Variants in TRIP12 observed in about 807,000 individuals in gnomAD.
TRIP12 encodes the protein thyroid hormone receptor interactor 12, also known as E3 ubiquitin-protein ligase TRIP12.
In TRIP12, 25 loss-of-function variants were observed where a neutral mutation model predicts 244.2. The ratio of observed to expected loss-of-function variants is 0.10; its 90% CI spans 0.07 to 0.14. The LOEUF is 0.14. Ranked by LOEUF, TRIP12 falls within the 10% of genes least tolerant of loss-of-function variation. TRIP12 has a pLI of 1.00. For synonymous variants in TRIP12, 905 were observed against 873.1 expected (o/e 1.04, Z -0.64); for missense variants, 1,677 against 2,486.4 (o/e 0.67, Z 6.92).
intron 4 of TRIP12, among the ~76,000 whole-genome samples, chr2:229,855,275 C>T (rs1402095974): frequency 6.6e-6 from 1 of 151,962 alleles, no homozygotes; most frequent in Non-Finnish European, 1.5e-5. Flanking sequence ...TTAAAACAAA[C>T]AAACAAAAAC....
At chr2:229,905,235 T>C (rs1232539280) in intron 1 of TRIP12, among the ~76,000 whole-genome samples, 8 of 150,268 alleles carry the variant, frequency 5.3e-5, no homozygotes, top group African/African-American at 7.4e-5. Context: ...GATCGCGCCA[T>C]TGCACTCCAG....
upstream of TRIP12, chr2:229,922,756 A>C (rs1577312523): frequency 1.3e-6 from 1 of 764,702 alleles, no homozygotes; most frequent in Non-Finnish European, 2.1e-6. Context: ...TTTCCTCGTC[A>C]CCTCGGCCTC....
chr2:229,842,222 G>A (rs1446355126), intron 4 of TRIP12, among the ~76,000 whole-genome samples: 1 of 152,164 alleles, frequency 6.6e-6, no homozygotes, highest in South Asian at 2.1e-4. Context: ...ATTGGCTTAA[G>A]AGTTTCTTAA....
At chr2:229,784,513 G>GAAA (rs796545176) in intron 34 of TRIP12, among the ~76,000 whole-genome samples, 2 of 57,826 alleles carry the variant, frequency 3.5e-5, no homozygotes, top group African/African-American at 1.4e-4. Flanking sequence ...GCACAAACAA[G>GAAA]AAAAAAAAAA....
At chr2:229,800,702 T>C (rs1270907282) in intron 21 of TRIP12, among the ~76,000 whole-genome samples, 1 of 152,196 alleles carries the variant, frequency 6.6e-6, no homozygotes, top group Non-Finnish European at 1.5e-5. Flanking sequence ...ATTTTCTCTT[T>C]CTTTGGCATA....
chr2:229,795,962 G>A (rs998198682), intron 25 of TRIP12, among the ~76,000 whole-genome samples: 1 of 152,186 alleles, frequency 6.6e-6, no homozygotes, highest in African/African-American at 2.4e-5. Context: ...GGAGAGCTAT[G>A]CTAAGCCCTA....
chr2:229,898,069 A>G (rs1185170801), intron 1 of TRIP12, among the ~76,000 whole-genome samples: 2 of 152,234 alleles, frequency 1.3e-5, no homozygotes, highest in Non-Finnish European at 2.9e-5. Flanking sequence ...AGAGAGAAAG[A>G]GAGAGACAGC....
chr2:229,853,585 A>AG (rs2059106383), intron 4 of TRIP12, among the ~76,000 whole-genome samples: 1 of 152,140 alleles, frequency 6.6e-6, no homozygotes, highest in Non-Finnish European at 1.5e-5. Flanking sequence ...TGAATCCAGG[A>AG]GGGGGAGGAT....
At position 229,886,579 on chromosome 2, in the gene TRIP12, A is replaced by G. The variant is rs1442519970; in HGVS notation, c.-49-6451T>C. On this transcript the variant is annotated intron_variant, in intron 1 of 41. Transcript: ENST00000675903. Reference sequence around the variant, plus strand: ...CAGGTTCAAGCGATTCTTCTGCCTCACCTCAGCCTCCCGGGTAGCTGGGAC... The same window carrying G: ...CAGGTTCAAGCGATTCTTCTGCCTCGCCTCAGCCTCCCGGGTAGCTGGGAC... Among the ~76,000 whole-genome samples the G allele has an allele frequency of 2.0e-5, 3 of 151,400 alleles. No individual in the cohort carries two copies. The East Asian group carries it at 5.8e-4, about 30-fold the overall frequency.
intron 8 of TRIP12, among the ~76,000 whole-genome samples, chr2:229,818,722 T>C (rs904917470): frequency 2.0e-5 from 3 of 152,194 alleles, no homozygotes; most frequent in African/African-American, 7.2e-5. Flanking sequence ...TTCACAGTTA[T>C]ATACTTCTGT....
chr2:229,820,678 T>G (rs1278228088), intron 8 of TRIP12, among the ~76,000 whole-genome samples: 1 of 152,214 alleles, frequency 6.6e-6, no homozygotes, highest in Non-Finnish European at 1.5e-5. Flanking sequence ...AACCTCTGCC[T>G]TCTGGGTTCC....
chr2:229,798,990 T>C lies in TRIP12; in HGVS notation c.3367A>G (p.Lys1123Glu). 1 of 1,614,212 alleles carries C rather than the reference T, an allele frequency of 6.2e-7. No individual in the cohort carries two copies. The highest frequency in any genetic ancestry group is 8.5e-7 in the Non-Finnish European group (1 of 1,180,042). Residue 1123 changes from lysine (K) to glutamate (E), a missense_variant, in exon 23 of 42, where the codon AAA becomes GAA. Around this residue, in one of 11 missense-constraint regions of TRIP12, gnomAD observed 572 missense variants for 867.8 expected, o/e 0.66. Coordinates refer to ENST00000675903, the MANE Select transcript of TRIP12 (RefSeq NM_001348323.3). ...TGTGTACTTAACCTTCCCCATGTTTTTGGATTCAAGCTTGCCAGGAAAGAA... is the reference window on the plus strand; with the variant it reads ...TGTGTACTTAACCTTCCCCATGTTTCTGGATTCAAGCTTGCCAGGAAAGAA... ...KSSFLASLNP[K>E]TWGRLSTQSN...
rs1169225234 is a variant in TRIP12, at chr2:229,811,008, G to A, written c.2093C>T (p.Thr698Ile). 2 of 1,614,048 alleles carry A rather than the reference G, an allele frequency of 1.2e-6. No homozygotes were observed. The highest frequency in any genetic ancestry group is 1.7e-6 in the Non-Finnish European group (2 of 1,179,988). Residue 698 changes from threonine (T) to isoleucine (I), a missense_variant, in exon 15 of 42, where the codon ACA becomes ATA. Transcript: ENST00000675903. ...LQQVASKDLL[T>I]NVQQLLVVTP... Reference sequence around the variant, plus strand: ...CACTACCAACAGCTGTTGAACATTTGTAAGCAGATCTTTGGAAGCAACCTG... The same window carrying A: ...CACTACCAACAGCTGTTGAACATTTATAAGCAGATCTTTGGAAGCAACCTG...
chr2:229,920,740 GT>G (rs1350333984), intron 1 of TRIP12, among the ~76,000 whole-genome samples: 1 of 151,910 alleles, frequency 6.6e-6, no homozygotes, highest in Non-Finnish European at 1.5e-5. Context: ...GTGTTTTTAT[GT>G]TTTTCCGCAT....
chr2:229,807,965 T>C (rs2046289683), intron 16 of TRIP12, 101 bp from the exon 17 acceptor site: 1 of 1,316,174 alleles, frequency 7.6e-7, no homozygotes, highest in Non-Finnish European at 1.0e-6. Context: ...AAGTTGTATT[T>C]AGACCAATTT....
In TRIP12 at chr2:229,788,662, A is replaced by G. The variant is rs536729936; in HGVS notation, c.4838+136T>C. 2.9e-5 allele frequency: 35 copies of G among 1,211,758 alleles called. No individual in the cohort carries two copies. In the African/African-American group the frequency reaches 5.2e-4, roughly 18 times the overall value. 75.1% of individuals were successfully genotyped at this position (1,211,758 alleles called of 1,614,324 possible). A position where few individuals can be genotyped will look rare whatever the true frequency, so the allele number is the denominator to read the frequency against. Reference sequence around the variant, plus strand: ...GTCTGTTTACATGCTAAAGCCACACAATTAAGCAAGTTGTGATCAACAGTA... The same window carrying G: ...GTCTGTTTACATGCTAAAGCCACACGATTAAGCAAGTTGTGATCAACAGTA... On this transcript the variant is annotated intron_variant, in intron 32 of 41. Transcript: ENST00000675903.
At chr2:229,865,602 A>G (rs993561740) in intron 2 of TRIP12, among the ~76,000 whole-genome samples, 2 of 151,930 alleles carry the variant, frequency 1.3e-5, no homozygotes, top group Non-Finnish European at 2.9e-5. Flanking sequence ...TTTAATTACA[A>G]CTCTAAATTT....
rs1193361613 is a variant in TRIP12 at position 229,795,313 on chromosome 2, G to A, written c.3834C>T (p.Pro1278=). ...TACCCACTGGTTCCACTCTTCCAAT[G>A]GGCTCTTCTCCAGGAAGCTAAAGTT... ...FFSSPLPGEE[P]IGRVEPVGNA... Residue 1278 remains proline (P), a synonymous_variant, in exon 26 of 42, where the codon CCC becomes CCT. Coordinates refer to ENST00000675903, the MANE Select transcript of TRIP12 (RefSeq NM_001348323.3). 1.2e-6 allele frequency: 2 copies of A among 1,612,990 alleles called. No individual in the cohort carries two copies. The highest frequency in any genetic ancestry group is 1.7e-5 in the Admixed American group (1 of 59,864).
intron 16 of TRIP12, 96 bp from the exon 17 acceptor site, chr2:229,807,960 G>A (rs2046288979): frequency 7.5e-7 from 1 of 1,339,436 alleles, no homozygotes; most frequent in African/African-American, 1.5e-5. Flanking sequence ...ACCAAAAGTT[G>A]TATTTAGACC....
Sources: gnomAD v4.1 joint callset for allele counts (sites outside exome capture counted in the v4.1 genomes callset) on GRCh38, gnomAD v4.1.1 for gene constraint, gnomAD v4.1.1 regional missense constraint, MANE v1.5 for transcripts, NCBI Gene and HGNC (gene_info 2026-07-23, HGNC 2026-07-21) for gene names.